The following THSD7A variants were observed in gnomAD, a reference collection of about 807,000 sequenced individuals.
THSD7A encodes thrombospondin type 1 domain containing 7A, also known as thrombospondin type-1 domain-containing protein 7A.
A neutral mutation model predicts 231.3 loss-of-function variants in THSD7A; 96 were observed. The observed-to-expected ratio is 0.41, with a 90% CI of 0.35 to 0.49. The LOEUF (loss-of-function observed/expected upper bound fraction) is 0.49. Among genes scored for constraint, THSD7A ranks in the 20% least tolerant of loss-of-function variants. The probability of loss-of-function intolerance (pLI) is 0.05; values close to 1 mark genes in which losing one functional copy is unlikely to be tolerated. For synonymous variants in THSD7A, 940 were observed against 743.3 expected (o/e 1.26, Z -4.30); for missense variants, 2,290 against 2,070.2 (o/e 1.11, Z -2.06).
At chr7:11,762,857 A>T (rs1782910674) in intron 1 of THSD7A, among the ~76,000 whole-genome samples, 1 of 152,182 alleles carries the variant, frequency 6.6e-6, no homozygotes, top group Non-Finnish European at 1.5e-5. Flanking sequence ...GACAATCAAC[A>T]TCATTATAAT....
rs1485099663 is a variant in THSD7A, at chr7:11,372,606, A to T, written c.*3188T>A. ...GTCCTATTCTACGTGGTTTCTAGTGAAATAGTCCAGCAAAATCATATAATA... is the reference window on the plus strand; with the variant it reads ...GTCCTATTCTACGTGGTTTCTAGTGTAATAGTCCAGCAAAATCATATAATA... On this transcript the variant is annotated 3_prime_UTR_variant, in exon 28 of 28. Coordinates refer to ENST00000423059, the MANE Select transcript of THSD7A (RefSeq NM_015204.3). 6.6e-6 allele frequency: 1 copy of T among 152,086 alleles called. No individual in the cohort carries two copies. The highest frequency in any genetic ancestry group is 2.4e-5 in the African/African-American group (1 of 41,430). The allele number at this position is 152,086 out of a possible 1,614,324, so 9.4% of individuals were successfully genotyped here.
chr7:11,705,729 G>C (rs894259564), intron 1 of THSD7A, among the ~76,000 whole-genome samples: 2 of 150,968 alleles, frequency 1.3e-5, no homozygotes, highest in African/African-American at 4.8e-5. Context: ...AATGTTTTTA[G>C]AGTATCACAA....
chr7:11,559,068 TG>T (rs1447955595), intron 4 of THSD7A, among the ~76,000 whole-genome samples: 5 of 152,104 alleles, frequency 3.3e-5, no homozygotes, highest in Admixed American at 6.6e-5. Flanking sequence ...CCAAGGGATG[TG>T]GGTGATTCCT....
intron 24 of THSD7A, among the ~76,000 whole-genome samples, chr7:11,381,406 ATAAG>A (rs1461682339): frequency 1.3e-5 from 2 of 152,188 alleles, no homozygotes; most frequent in Non-Finnish European, 2.9e-5. Flanking sequence ...TATGGAGGAA[ATAAG>A]TAATTGGGTT....
chr7:11,756,584 T>A (rs1228139133), intron 1 of THSD7A, among the ~76,000 whole-genome samples: 1 of 150,666 alleles, frequency 6.6e-6, no homozygotes, highest in Non-Finnish European at 1.5e-5. Flanking sequence ...AGAAAGCAAA[T>A]CACAGGACAA....
intron 11 of THSD7A, among the ~76,000 whole-genome samples, chr7:11,459,266 T>G (rs1785413991): frequency 6.6e-6 from 1 of 152,054 alleles, no homozygotes; most frequent in Admixed American, 6.6e-5. Flanking sequence ...ACTGTATTAG[T>G]AAAAGAATGG....
rs1195752388 is a variant in THSD7A at position 11,637,824 on chromosome 7, C to T, written c.191-863G>A. On this transcript the variant is annotated intron_variant, in intron 1 of 27. Coordinates refer to ENST00000423059, the MANE Select transcript of THSD7A (RefSeq NM_015204.3). The surrounding 1 kb of genome is among the most constrained non-coding windows in gnomAD (Gnocchi z 4.2). ...TCCTTCTTAGAATAAACTTTATATT[C>T]ACATATATTATTTTTTTCTAAGGTA... 6.6e-6 allele frequency among the ~76,000 whole-genome samples: 1 copy of T among 151,738 alleles called. No homozygotes were observed. Among genetic ancestry groups the T allele is most frequent in the Non-Finnish European group, 1.5e-5 (1 of 67,964 alleles).
chr7:11,612,006 G>A (rs1780950654), intron 2 of THSD7A, among the ~76,000 whole-genome samples: 1 of 152,064 alleles, frequency 6.6e-6, no homozygotes. Flanking sequence ...GCTGCCATAT[G>A]GAGCTCTCTG....
intron 22 of THSD7A, among the ~76,000 whole-genome samples, chr7:11,405,407 A>AATCT (rs1287919953): frequency 1.3e-5 from 2 of 152,162 alleles, no homozygotes; most frequent in Non-Finnish European, 2.9e-5. Context: ...AAAGAGATGC[A>AATCT]ATCTTTAAAT....
chr7:11,769,886 G>C (rs1783168141), intron 1 of THSD7A, among the ~76,000 whole-genome samples: 1 of 151,980 alleles, frequency 6.6e-6, no homozygotes, highest in Admixed American at 6.6e-5. Flanking sequence ...CAAGTATCTT[G>C]AAAATTAAAT....
intron 13 of THSD7A, among the ~76,000 whole-genome samples, chr7:11,437,712 TTC>T (rs1784679048): frequency 6.6e-6 from 1 of 152,098 alleles, no homozygotes; most frequent in African/African-American, 2.4e-5. Flanking sequence ...ATTAAACATG[TTC>T]TTCCTCAAAT....
chr7:11,812,081 A>G (rs1194005843), intron 1 of THSD7A, among the ~76,000 whole-genome samples: 1 of 151,320 alleles, frequency 6.6e-6, no homozygotes, highest in Non-Finnish European at 1.5e-5. Flanking sequence ...GAAATCTGAG[A>G]CTATAAAGGA....
chr7:11,500,948 A>C (rs1787309080), intron 6 of THSD7A, among the ~76,000 whole-genome samples: 1 of 151,480 alleles, frequency 6.6e-6, no homozygotes, highest in Admixed American at 6.6e-5. Context: ...AAAGAAAGAA[A>C]AAAAAAAAGA....
rs372434893 is a variant in THSD7A at position 11,593,205 on chromosome 7, T to G, written c.1271+49A>C. On this transcript the variant is annotated intron_variant, in intron 3 of 27. Coordinates refer to ENST00000423059, the MANE Select transcript of THSD7A (RefSeq NM_015204.3). ...TACTGTTCAGTCAAAATCAAATAGC[T>G]GAGCAAATGTAGTTTCGGCAGACGC... 29 of 1,594,408 alleles carry G rather than the reference T, an allele frequency of 1.8e-5. No homozygotes were observed. The East Asian group carries it at 2.2e-4, about 12-fold the overall frequency.
At chr7:11,696,644 C>T (rs1043185498) in intron 1 of THSD7A, among the ~76,000 whole-genome samples, 1 of 151,072 alleles carries the variant, frequency 6.6e-6, no homozygotes, top group Non-Finnish European at 1.5e-5. Context: ...TTCACAGTTG[C>T]TACAGAGAGA....
At chr7:11,609,038 T>A (rs933769359) in intron 2 of THSD7A, among the ~76,000 whole-genome samples, 3 of 152,180 alleles carry the variant, frequency 2.0e-5, no homozygotes, top group Admixed American at 6.6e-5. Context: ...CACAGGTTTA[T>A]GAGGATAAAC....
At chr7:11,633,216 G>T (rs1160067951) in intron 2 of THSD7A, among the ~76,000 whole-genome samples, 1 of 152,082 alleles carries the variant, frequency 6.6e-6, no homozygotes, top group African/African-American at 2.4e-5. Context: ...AGAAACACCT[G>T]GTATACTTTC....
intron 6 of THSD7A, among the ~76,000 whole-genome samples, chr7:11,512,494 A>G (rs908748477): frequency 2.6e-5 from 4 of 152,124 alleles, no homozygotes; most frequent in African/African-American, 9.7e-5. Context: ...ACATATTTTT[A>G]TTTTGGCACT....
intron 3 of THSD7A, among the ~76,000 whole-genome samples, chr7:11,591,156 A>ATTTTTTTTTTT (rs59544271): frequency 7.0e-6 from 1 of 142,708 alleles, no homozygotes. Context: ...CAAGAATAAG[A>ATTTTTTTTTTT]TTTTTTTTTT....
Sources: gnomAD v4.1 joint callset for allele counts (sites outside exome capture counted in the v4.1 genomes callset) on GRCh38, gnomAD v4.1.1 for gene constraint, Gnocchi (gnomAD v3.1) non-coding constraint, MANE v1.5 for transcripts, NCBI Gene and HGNC (gene_info 2026-07-23, HGNC 2026-07-21) for gene names.